Variants in LYPD6B observed in about 807,000 individuals in gnomAD.
LYPD6B encodes ly6/PLAUR domain-containing protein 6B.
Under a neutral mutation model 22.8 loss-of-function variants are expected in LYPD6B, and 17 were observed. The ratio of observed to expected loss-of-function variants is 0.75; its 90% CI spans 0.51 to 1.12. LYPD6B has a LOEUF of 1.12. Ranked by LOEUF, LYPD6B falls within the 50% of genes most tolerant of loss-of-function variation. LYPD6B has a pLI of 0.00. For missense variants in LYPD6B, 221 were observed against 258.3 expected, an observed-to-expected ratio of 0.86 and a Z score of 0.99; for synonymous variants, 106 against 91.6, an observed-to-expected ratio of 1.16 and a Z score of -0.90.
intron 1 of LYPD6B, among the ~76,000 whole-genome samples, chr2:149,107,611 A>G (rs1257639688): frequency 6.6e-6 from 1 of 152,214 alleles, no homozygotes; most frequent in Non-Finnish European, 1.5e-5. Flanking sequence ...ATTTTATTTT[A>G]AACTTCCTCT....
chr2:149,191,048 A>G (rs1244569220), intron 3 of LYPD6B, among the ~76,000 whole-genome samples: 2 of 152,182 alleles, frequency 1.3e-5, no homozygotes, highest in Non-Finnish European at 2.9e-5. Context: ...TTAAGCTTAT[A>G]CAAATAGAGA....
chr2:149,208,443 G>A, intron 5 of LYPD6B, 31 bp downstream of exon 5: 1 of 1,502,546 alleles, frequency 6.7e-7, no homozygotes, highest in Non-Finnish European at 9.3e-7. Flanking sequence ...AGACTTCTGT[G>A]ATCTCATTTC....
intron 2 of LYPD6B, among the ~76,000 whole-genome samples, chr2:149,132,393 A>G (rs1031083659): frequency 4.6e-5 from 7 of 151,570 alleles, no homozygotes; most frequent in Non-Finnish European, 1.0e-4. Context: ...AGAAAAGTAC[A>G]TAGGTTAATG....
intron 1 of LYPD6B, chr2:149,118,093 A>C (rs995487358): frequency 1.3e-5 from 2 of 152,220 alleles, no homozygotes; most frequent in African/African-American, 4.8e-5. Context: ...AGAAACTCCA[A>C]TGTCTTTTAT....
At chr2:149,159,898 A>C (rs1406269844) in intron 2 of LYPD6B, among the ~76,000 whole-genome samples, 1 of 152,186 alleles carries the variant, frequency 6.6e-6, no homozygotes, top group Non-Finnish European at 1.5e-5. Flanking sequence ...CTACTGATTT[A>C]AATGCTAATC....
chr2:149,065,549 G>A (rs1051183055), intron 1 of LYPD6B, among the ~76,000 whole-genome samples: 2 of 152,168 alleles, frequency 1.3e-5, no homozygotes, highest in African/African-American at 4.8e-5. Flanking sequence ...GAGAGAACCC[G>A]AGCTAGACTC....
At chr2:149,142,294 G>A (rs895932733) in intron 2 of LYPD6B, 3 of 152,196 alleles carry the variant, frequency 2.0e-5, no homozygotes, top group Non-Finnish European at 4.4e-5. Flanking sequence ...CGCTGGCTGA[G>A]TGCAGCCAGC....
chr2:149,191,179 T>C (rs1472318744), intron 3 of LYPD6B, among the ~76,000 whole-genome samples: 1 of 152,204 alleles, frequency 6.6e-6, no homozygotes, highest in African/African-American at 2.4e-5. Flanking sequence ...ACTCCAGATA[T>C]ATTATTTTCT....
At chr2:149,041,137 T>C (rs532556386) in intron 1 of LYPD6B, among the ~76,000 whole-genome samples, 56 of 150,112 alleles carry the variant, frequency 3.7e-4, no homozygotes, top group African/African-American at 1.3e-3. Context: ...GAAGGGCTGG[T>C]CTAGGAGAAA....
At chr2:149,133,856 C>T (rs11686708) in intron 2 of LYPD6B, among the ~76,000 whole-genome samples, 60,567 of 151,922 alleles carry the variant, frequency 0.4, 12,800 homozygotes, top group East Asian at 0.54. Flanking sequence ...TATTGAATGC[C>T]TTCTTGGTGC....
chr2:149,149,417 T>TAC lies in LYPD6B; in HGVS notation c.6-11332_6-11331dup, dbSNP rs35899556. On this transcript the variant is annotated intron_variant, in intron 2 of 6. Coordinates refer to ENST00000409642, the MANE Select transcript of LYPD6B (RefSeq NM_177964.5). Reference sequence around the variant, plus strand: ...TTAGTCTCCTCCTGTACTCAAATCCTACACACACACACACACGCACACCCC... The same window carrying TAC: ...TTAGTCTCCTCCTGTACTCAAATCCTACACACACACACACACACGCACACCCC... 1.1e-3 allele frequency among the ~76,000 whole-genome samples: 166 copies of TAC among 151,406 alleles called. 1 individual carries two copies. The East Asian group carries it at 0.012, about 11-fold the overall frequency.
At chr2:149,165,249 G>T (rs1049396085) in intron 3 of LYPD6B, among the ~76,000 whole-genome samples, 10 of 152,230 alleles carry the variant, frequency 6.6e-5, no homozygotes, top group African/African-American at 1.9e-4. Flanking sequence ...CCTCTCTTCT[G>T]CCACATTCTG....
chr2:149,134,268 A>G (rs1211508181), intron 2 of LYPD6B, among the ~76,000 whole-genome samples: 2 of 152,184 alleles, frequency 1.3e-5, no homozygotes, highest in Non-Finnish European at 2.9e-5. Flanking sequence ...CTGATTTACA[A>G]GTTGGCTATT....
At chr2:149,106,822 T>C (rs1165378234) in intron 1 of LYPD6B, among the ~76,000 whole-genome samples, 1 of 152,142 alleles carries the variant, frequency 6.6e-6, no homozygotes, top group African/African-American at 2.4e-5. Flanking sequence ...TCTGCCTATT[T>C]TGGGGGCTAA....
intron 3 of LYPD6B, among the ~76,000 whole-genome samples, chr2:149,173,122 T>A (rs1287223102): frequency 6.6e-6 from 1 of 151,924 alleles, no homozygotes; most frequent in Non-Finnish European, 1.5e-5. Flanking sequence ...TTTTGTTTGA[T>A]TCAGGATGAG....
intron 1 of LYPD6B, among the ~76,000 whole-genome samples, chr2:149,039,458 GGTGCT>G (rs1682970340): frequency 6.6e-6 from 1 of 152,150 alleles, no homozygotes; most frequent in Non-Finnish European, 1.5e-5. Context: ...TGGGTGGAGG[GGTGCT>G]GTCCACCTCC....
At chr2:149,169,416 A>G (rs115795858) in intron 3 of LYPD6B, among the ~76,000 whole-genome samples, 1 of 152,276 alleles carries the variant, frequency 6.6e-6, no homozygotes, top group Non-Finnish European at 1.5e-5. Flanking sequence ...CATGACTTTG[A>G]AGGGGATAAG....
At chr2:149,054,579 T>C (rs9636255) in intron 1 of LYPD6B, among the ~76,000 whole-genome samples, 127,768 of 151,922 alleles carry the variant, frequency 0.84, 54,288 homozygotes, top group East Asian at 0.97. Flanking sequence ...TTTTGAAACA[T>C]GAAACACGAA....
chr2:149,164,829 G>A (rs377724733), intron 3 of LYPD6B, among the ~76,000 whole-genome samples: 16 of 152,290 alleles, frequency 1.1e-4, no homozygotes, highest in Middle Eastern at 3.4e-3. Flanking sequence ...TTTTATGTGT[G>A]TGTGTTTGAA....
Sources: gnomAD v4.1 joint callset for allele counts (sites outside exome capture counted in the v4.1 genomes callset) on GRCh38, gnomAD v4.1.1 for gene constraint, MANE v1.5 for transcripts, NCBI Gene and HGNC (gene_info 2026-07-23, HGNC 2026-07-21) for gene names.